The following WDFY1 variants were observed in gnomAD, a reference collection of about 807,000 sequenced individuals.
The protein encoded by WDFY1 is WD repeat and FYVE domain containing 1, also known as WD repeat and FYVE domain-containing protein 1.
Under a neutral mutation model 56.4 loss-of-function variants are expected in WDFY1, and 32 were observed. The observed-to-expected ratio is 0.57, with a 90% CI of 0.43 to 0.76. WDFY1 has a LOEUF of 0.76. Ranked by LOEUF, WDFY1 falls within the 30% of genes least tolerant of loss-of-function variation. The probability of loss-of-function intolerance (pLI) is 0.00; values close to 1 mark genes in which losing one functional copy is unlikely to be tolerated. For missense variants in WDFY1, 480 were observed against 545.7 expected, an observed-to-expected ratio of 0.88 and a Z score of 1.20; for synonymous variants, 192 against 197.3, an observed-to-expected ratio of 0.97 and a Z score of 0.23.
Position 223,899,072 on chromosome 2 carries a change from T to C in WDFY1, c.486-2A>G. 6.2e-7 allele frequency: 1 copy of C among 1,612,648 alleles called. No individual in the cohort carries two copies. The highest frequency in any genetic ancestry group is 8.5e-7 in the Non-Finnish European group (1 of 1,178,684). ...GCATACTGAGTGTCAAAGTCATATC[T>C]GAGGAGAAGCAGTCAAGGATGTAGA... On this transcript the variant is annotated splice_acceptor_variant, in intron 5 of 11. Coordinates refer to ENST00000233055, the MANE Select transcript of WDFY1 (RefSeq NM_020830.5). LOFTEE classifies it high-confidence loss of function.
chr2:223,941,407 C>T (rs1193595295), intron 1 of WDFY1, among the ~76,000 whole-genome samples: 1 of 152,070 alleles, frequency 6.6e-6, no homozygotes, highest in Non-Finnish European at 1.5e-5. Flanking sequence ...CTTACAATTC[C>T]CTCCTGTCCT....
chr2:223,893,474 G>C (rs931989542), intron 8 of WDFY1, among the ~76,000 whole-genome samples: 10 of 151,726 alleles, frequency 6.6e-5, no homozygotes, highest in African/African-American at 2.2e-4. Flanking sequence ...AGGCTGCAGA[G>C]AGCCAAGATC....
At chr2:223,944,524 G>T (rs1388352479) in intron 1 of WDFY1, among the ~76,000 whole-genome samples, 1 of 151,864 alleles carries the variant, frequency 6.6e-6, no homozygotes, top group East Asian at 1.9e-4. Context: ...CGCTGGAGGG[G>T]CGCGGTGAGA....
chr2:223,884,301 G>A (rs1693133066), intron 9 of WDFY1, among the ~76,000 whole-genome samples: 1 of 152,246 alleles, frequency 6.6e-6, no homozygotes, highest in Admixed American at 6.5e-5. Context: ...GTATATAACT[G>A]TATGACTTTA....
chr2:223,915,174 T>C (rs1441157310), intron 2 of WDFY1, among the ~76,000 whole-genome samples: 1 of 152,222 alleles, frequency 6.6e-6, no homozygotes, highest in East Asian at 1.9e-4. Context: ...TATCAGCAGA[T>C]ACAGGTCCAA....
intron 2 of WDFY1, among the ~76,000 whole-genome samples, chr2:223,915,922 T>C (rs1014424722): frequency 1.1e-4 from 16 of 152,228 alleles, no homozygotes; most frequent in African/African-American, 3.9e-4. Context: ...GGTTACTTCA[T>C]ATCTCAAGGT....
At chr2:223,926,764 C>A (rs891254021) in intron 1 of WDFY1, among the ~76,000 whole-genome samples, 2 of 152,110 alleles carry the variant, frequency 1.3e-5, no homozygotes, top group Admixed American at 1.3e-4. Flanking sequence ...GCCTCCTAGG[C>A]TCAAGCGATT....
In WDFY1 at chr2:223,878,570, G is replaced by A. The variant is rs1693009832; in HGVS notation, c.*101C>T. ...TAAAAATGTTGATTTGTTTGTAAGT[G>A]GCTACTGTCCATTCACGAGACAGCG... On this transcript the variant is annotated 3_prime_UTR_variant, in exon 12 of 12. Transcript: ENST00000233055. The A allele has an allele frequency of 6.0e-6, 5 of 828,380 alleles. No individual in the cohort carries two copies. In the South Asian group the frequency reaches 6.2e-5, roughly 10 times the overall value. 51.3% of individuals were successfully genotyped at this position (828,380 alleles called of 1,614,324 possible).
At position 223,881,929 on chromosome 2, in the gene WDFY1, T is replaced by C; in HGVS notation, c.1064+13A>G. ...AATAAGAGGCAATGAGACAAAAATA[T>C]GCAAACACTCACTCTTCATCTTTGA... On this transcript the variant is annotated intron_variant, in intron 10 of 11. Transcript: ENST00000233055. 1.2e-6 allele frequency: 2 copies of C among 1,612,760 alleles called. No individual in the cohort carries two copies. Among genetic ancestry groups the C allele is most frequent in the Non-Finnish European group, 1.7e-6 (2 of 1,179,164 alleles).
intron 3 of WDFY1, among the ~76,000 whole-genome samples, chr2:223,907,650 C>T (rs1000183644): frequency 1.3e-5 from 2 of 152,154 alleles, no homozygotes; most frequent in East Asian, 3.9e-4. Flanking sequence ...TTAGTGGCTT[C>T]TCATTATATG....
chr2:223,938,718 T>C (rs1320700018), intron 1 of WDFY1, among the ~76,000 whole-genome samples: 16 of 152,184 alleles, frequency 1.1e-4, no homozygotes, highest in East Asian at 1.9e-4. Flanking sequence ...ATTGGCTTAA[T>C]ACTCTTTGGA....
At position 223,875,999 on chromosome 2, in the gene WDFY1, T is replaced by A. The variant is rs903701562; in HGVS notation, c.*2672A>T. ...ATTCTAGAGCAATAGTATTTCTTTA[T>A]ATCCTTTAGGTAGCAGGACAGAGCT... On this transcript the variant is annotated 3_prime_UTR_variant, in exon 12 of 12. Transcript: ENST00000233055. 6.6e-6 allele frequency: 1 copy of A among 152,188 alleles called. No individual in the cohort carries two copies. The highest frequency in any genetic ancestry group is 2.4e-5 in the African/African-American group (1 of 41,454). 9.4% of individuals were successfully genotyped at this position (152,188 alleles called of 1,614,324 possible). A position where few individuals can be genotyped will look rare whatever the true frequency, so the allele number is the denominator to read the frequency against.
intron 4 of WDFY1, 99 bp from the exon 5 acceptor site, chr2:223,901,432 G>T: frequency 4.2e-6 from 6 of 1,421,298 alleles, no homozygotes; most frequent in Non-Finnish European, 5.7e-6. Context: ...CCAGGGCACA[G>T]CTGTGTACAA....
chr2:223,887,417 C>T (rs894550759), intron 8 of WDFY1, among the ~76,000 whole-genome samples: 3 of 152,150 alleles, frequency 2.0e-5, no homozygotes, highest in African/African-American at 2.4e-5. Context: ...GCTTTAAGGA[C>T]GACACAATGA....
chr2:223,894,321 C>T lies in WDFY1; in HGVS notation c.744G>A (p.Leu248=). The change falls in exon 8 of 12, where the codon CTG becomes CTA. Residue 248 remains leucine (L), a synonymous_variant. Transcript: ENST00000233055. ...LQGHHDKVQS[L]CYLQLTRQLV... ...GCTGCCTGGTGAGCTGAAGGTAGCA[C>T]AGCGACTGCACCTTGTCACTGCAAA... 1 of 1,614,200 alleles carries T rather than the reference C, an allele frequency of 6.2e-7. No homozygotes were observed. Among genetic ancestry groups the T allele is most frequent in the South Asian group, 1.1e-5 (1 of 91,088 alleles).
chr2:223,891,296 T>C (rs537830999), intron 8 of WDFY1, among the ~76,000 whole-genome samples: 204 of 142,598 alleles, frequency 1.4e-3, no homozygotes, highest in Non-Finnish European at 9.8e-4. Context: ...GGTGGGAGAA[T>C]CACTTGAAAC....
intron 9 of WDFY1, 65 bp from the exon 10 acceptor site, chr2:223,882,137 C>CA (rs1693084058): frequency 6.4e-7 from 1 of 1,552,396 alleles, no homozygotes; most frequent in Non-Finnish European, 8.7e-7. Context: ...TGTTTTGAGA[C>CA]AGAGTCTCAC....
intron 1 of WDFY1, among the ~76,000 whole-genome samples, chr2:223,934,342 C>T (rs1458528935): frequency 6.6e-6 from 1 of 152,008 alleles, no homozygotes; most frequent in Non-Finnish European, 1.5e-5. Flanking sequence ...TCACCCACCT[C>T]GGCCCCGCAA....
Position 223,884,534 on chromosome 2 carries a change from T to C in WDFY1, c.933+114A>G, listed in dbSNP as rs1426772815. Reference sequence around the variant, plus strand: ...CACAATGATAAAGACATAGAAAATGTAGGAATTAATAGCATTTGCAAAAAC... The same window carrying C: ...CACAATGATAAAGACATAGAAAATGCAGGAATTAATAGCATTTGCAAAAAC... On this transcript the variant is annotated intron_variant, in intron 9 of 11. Coordinates refer to ENST00000233055, the MANE Select transcript of WDFY1 (RefSeq NM_020830.5). 13 of 922,462 alleles carry C rather than the reference T, an allele frequency of 1.4e-5. No homozygotes were observed. The East Asian group carries it at 1.9e-4, about 14-fold the overall frequency. 57.1% of individuals were successfully genotyped at this position (922,462 alleles called of 1,614,324 possible).
Sources: allele counts gnomAD v4.1 joint callset (sites outside exome capture counted in the v4.1 genomes callset), GRCh38; gene constraint gnomAD v4.1.1; transcripts MANE v1.5; gene names NCBI Gene and HGNC (gene_info 2026-07-23, HGNC 2026-07-21).